DLC1: variants seen among roughly 807,000 people sequenced by gnomAD.
DLC1 encodes rho GTPase-activating protein 7.
In DLC1, 54 loss-of-function variants were observed where a neutral mutation model predicts 140.3. That is an observed-to-expected ratio of 0.38 (90% CI 0.31 to 0.48). DLC1 has a LOEUF of 0.48. Among genes scored for constraint, DLC1 ranks in the 20% least tolerant of loss-of-function variants. The pLI is 0.96. For synonymous variants in DLC1, 986 were observed against 728.1 expected (o/e 1.35, Z -5.70); for missense variants, 2,536 against 1,907.0 (o/e 1.33, Z -6.14).
chr8:13,593,912 A>G (rs556642307), intron 1 of DLC1, among the ~76,000 whole-genome samples: 1 of 152,246 alleles, frequency 6.6e-6, no homozygotes, highest in South Asian at 2.1e-4. Context: ...GTGATAAAGC[A>G]CAGGCCAAGA....
chr8:13,415,636 T>C (rs964406710), intron 2 of DLC1, among the ~76,000 whole-genome samples: 1 of 152,076 alleles, frequency 6.6e-6, no homozygotes, highest in Non-Finnish European at 1.5e-5. Context: ...CCTGACCTCA[T>C]GATCTGCCTG....
chr8:13,405,734 A>G (rs1400886623), intron 2 of DLC1, among the ~76,000 whole-genome samples: 1 of 152,134 alleles, frequency 6.6e-6, no homozygotes, highest in Non-Finnish European at 1.5e-5. Flanking sequence ...TTGAAAGACC[A>G]TCAATTACTA....
rs760159277 is a variant in DLC1 at position 13,314,864 on chromosome 8, C to T, written c.1315-9562G>A. 1.9e-3 allele frequency among the ~76,000 whole-genome samples: 282 copies of T among 152,278 alleles called. 1 individual carries two copies. The highest frequency in any genetic ancestry group is 2.6e-3 in the Non-Finnish European group (178 of 68,026). On this transcript the variant is annotated intron_variant, in intron 4 of 17. Transcript: ENST00000276297. The stretch of plus-strand genomic sequence containing the variant: ...TGGGCTCTTGGCTGGAGCCCAGAAA[C>T]ACTTTTATTACAGGGAGATATTCAT...
At chr8:13,301,397 C>T (rs910976377) in intron 5 of DLC1, among the ~76,000 whole-genome samples, 4 of 152,172 alleles carry the variant, frequency 2.6e-5, no homozygotes, top group African/African-American at 9.6e-5. Context: ...ACTTGTGGAA[C>T]ACACAAGGAC....
chr8:13,284,208 C>A (rs1246422241), intron 5 of DLC1, among the ~76,000 whole-genome samples: 3 of 152,114 alleles, frequency 2.0e-5, no homozygotes, highest in Non-Finnish European at 4.4e-5. Flanking sequence ...TGCTTTGGAC[C>A]TATTAGCAGA....
At chr8:13,437,697 C>G (rs979642185) in intron 2 of DLC1, among the ~76,000 whole-genome samples, 9 of 152,166 alleles carry the variant, frequency 5.9e-5, no homozygotes, top group African/African-American at 1.9e-4. Flanking sequence ...GCAGGGGCCT[C>G]TGAGCCTATC....
At chr8:13,241,482 G>A (rs1829541864) in intron 5 of DLC1, among the ~76,000 whole-genome samples, 1 of 151,948 alleles carries the variant, frequency 6.6e-6, no homozygotes, top group African/African-American at 2.4e-5. Flanking sequence ...TTTTTTATGT[G>A]TTTGGTATTC....
At chr8:13,353,223 G>A (rs1834757131) in intron 4 of DLC1, among the ~76,000 whole-genome samples, 1 of 152,156 alleles carries the variant, frequency 6.6e-6, no homozygotes, top group African/African-American at 2.4e-5. Context: ...GAACACCCAG[G>A]GAGAGGAAAT....
intron 2 of DLC1, among the ~76,000 whole-genome samples, chr8:13,490,097 C>G (rs1176822651): frequency 6.6e-6 from 1 of 152,116 alleles, no homozygotes. Context: ...CAGCTTACTC[C>G]CTTGGCTGGA....
chr8:13,154,396 C>G (rs921362093), intron 5 of DLC1, among the ~76,000 whole-genome samples: 5 of 152,202 alleles, frequency 3.3e-5, no homozygotes, highest in African/African-American at 9.6e-5. Context: ...TGCGGGCCAG[C>G]AGTGCTGGGG....
intron 5 of DLC1, among the ~76,000 whole-genome samples, chr8:13,198,636 C>T (rs1827204234): frequency 6.6e-6 from 1 of 151,546 alleles, no homozygotes; most frequent in Non-Finnish European, 1.5e-5. Flanking sequence ...TTGCTTATTT[C>T]TTTACATTTC....
chr8:13,382,269 A>G (rs1836299410), intron 4 of DLC1, among the ~76,000 whole-genome samples: 1 of 152,008 alleles, frequency 6.6e-6, no homozygotes, highest in African/African-American at 2.4e-5. Context: ...GCACTTTGGG[A>G]GGCCGAGGCG....
At chr8:13,461,511 C>A (rs1445612545) in intron 2 of DLC1, among the ~76,000 whole-genome samples, 1 of 152,170 alleles carries the variant, frequency 6.6e-6, no homozygotes, top group East Asian at 1.9e-4. Context: ...CTATCAACTT[C>A]CATCAGACAA....
chr8:13,562,821 A>G (rs988658939), intron 1 of DLC1, among the ~76,000 whole-genome samples: 1 of 152,136 alleles, frequency 6.6e-6, no homozygotes, highest in African/African-American at 2.4e-5. Flanking sequence ...CATTTCTACA[A>G]TGAAATACTA....
chr8:13,185,919 C>T (rs891668434), intron 5 of DLC1, among the ~76,000 whole-genome samples: 3 of 152,122 alleles, frequency 2.0e-5, no homozygotes, highest in African/African-American at 7.2e-5. Context: ...CTTAGTTTGG[C>T]TGGATATGAA....
intron 5 of DLC1, among the ~76,000 whole-genome samples, chr8:13,273,146 T>A (rs572505254): frequency 2.0e-5 from 3 of 152,332 alleles, no homozygotes; most frequent in African/African-American, 7.2e-5. Context: ...AAAAGCAGGC[T>A]ACAAGGCCCT....
At chr8:13,573,461 A>C (rs1165287909) in intron 1 of DLC1, among the ~76,000 whole-genome samples, 1 of 152,152 alleles carries the variant, frequency 6.6e-6, no homozygotes, top group Non-Finnish European at 1.5e-5. Context: ...TCTTTGCATA[A>C]TTGCTATGGC....
chr8:13,121,874 C>T lies in DLC1; in HGVS notation c.1349-6217G>A, dbSNP rs76703151. On this transcript the variant is annotated intron_variant, in intron 5 of 17. Transcript: ENST00000276297. ...TGGCCAGGGAGCTTTTTAAAAACAC[C>T]GACCATCCCCTCCCCAGGTATTCTG... Among the ~76,000 whole-genome samples, 58 of 152,168 alleles carry T rather than the reference C, an allele frequency of 3.8e-4. No individual in the cohort carries two copies. In the East Asian group the frequency reaches 6.2e-3, roughly 16 times the overall value.
At chr8:13,503,172 A>T (rs1801898254) in intron 1 of DLC1, among the ~76,000 whole-genome samples, 1 of 152,166 alleles carries the variant, frequency 6.6e-6, no homozygotes. Flanking sequence ...TGGGAGGCTG[A>T]GGTGTGCGGA....
Sources: allele counts gnomAD v4.1 joint callset (sites outside exome capture counted in the v4.1 genomes callset), GRCh38; gene constraint gnomAD v4.1.1; transcripts MANE v1.5; gene names NCBI Gene and HGNC (gene_info 2026-07-23, HGNC 2026-07-21).